TMEM38B: variants seen among roughly 807,000 people sequenced by gnomAD.
The protein encoded by TMEM38B is trimeric intracellular cation channel type B.
A neutral mutation model predicts 28.7 loss-of-function variants in TMEM38B; 24 were observed. The observed-to-expected ratio is 0.84, with a 90% CI of 0.61 to 1.18. The LOEUF (loss-of-function observed/expected upper bound fraction) is 1.18, where lower values mean the gene tolerates loss of function less well. Ranked by LOEUF, TMEM38B falls within the 50% of genes most tolerant of loss-of-function variation. TMEM38B has a pLI of 0.00. For synonymous variants in TMEM38B, 131 were observed against 127.7 expected (o/e 1.03, Z -0.17); for missense variants, 380 against 350.9 (o/e 1.08, Z -0.66).
chr9:105,725,578 A>G (rs949586298), intron 4 of TMEM38B, among the ~76,000 whole-genome samples: 5 of 152,196 alleles, frequency 3.3e-5, no homozygotes, highest in Admixed American at 3.3e-4. Flanking sequence ...ATAGTCTACT[A>G]CACACCTAGG....
chr9:105,745,239 C>CGA (rs1411585189), intron 4 of TMEM38B, among the ~76,000 whole-genome samples: 1 of 152,216 alleles, frequency 6.6e-6, no homozygotes, highest in Admixed American at 6.5e-5. Context: ...CACATCCTCT[C>CGA]CAGCACCTGT....
chr9:105,733,614 G>A (rs1327861317), intron 4 of TMEM38B, among the ~76,000 whole-genome samples: 1 of 151,698 alleles, frequency 6.6e-6, no homozygotes, highest in Non-Finnish European at 1.5e-5. Context: ...TTATTCCCTT[G>A]GGAGACTTTA....
At chr9:105,756,290 C>T (rs923908598) in intron 5 of TMEM38B, among the ~76,000 whole-genome samples, 7 of 152,110 alleles carry the variant, frequency 4.6e-5, no homozygotes, top group African/African-American at 1.7e-4. Flanking sequence ...CCCAGTTGTC[C>T]TGGCTAGAAC....
intron 5 of TMEM38B, among the ~76,000 whole-genome samples, chr9:105,765,547 A>G (rs1410790113): frequency 6.6e-6 from 1 of 152,178 alleles, no homozygotes; most frequent in East Asian, 1.9e-4. Flanking sequence ...TATCCACTTT[A>G]TATCACTACA....
intron 4 of TMEM38B, among the ~76,000 whole-genome samples, chr9:105,730,275 T>C (rs949083844): frequency 1.3e-5 from 2 of 152,030 alleles, no homozygotes; most frequent in Non-Finnish European, 2.9e-5. Flanking sequence ...TTATTGAGAG[T>C]TTTTAGCATG....
chr9:105,744,514 T>A (rs1837316307), intron 4 of TMEM38B, among the ~76,000 whole-genome samples: 1 of 152,032 alleles, frequency 6.6e-6, no homozygotes, highest in South Asian at 2.1e-4. Context: ...TTACTTTCCA[T>A]CTAGTCCTAA....
intron 1 of TMEM38B, among the ~76,000 whole-genome samples, chr9:105,698,581 C>G (rs10759129): frequency 0.39 from 59,760 of 151,808 alleles, 12,860 homozygotes; most frequent in East Asian, 0.59. Context: ...TATTCTTGGA[C>G]TAAACTACTT....
intron 5 of TMEM38B, among the ~76,000 whole-genome samples, chr9:105,753,179 CAG>C (rs1837720180): frequency 6.6e-6 from 1 of 151,980 alleles, no homozygotes; most frequent in African/African-American, 2.4e-5. Context: ...TGTAAAGAGA[CAG>C]AACCTATGAT....
intron 5 of TMEM38B, among the ~76,000 whole-genome samples, chr9:105,754,037 TTAAAAC>T (rs1187037867): frequency 6.6e-6 from 1 of 152,146 alleles, no homozygotes; most frequent in African/African-American, 2.4e-5. Flanking sequence ...AAAACAGACT[TTAAAAC>T]TAATGAAGGT....
chr9:105,705,252 A>G (rs1307872044), intron 1 of TMEM38B, among the ~76,000 whole-genome samples: 3 of 152,148 alleles, frequency 2.0e-5, no homozygotes, highest in African/African-American at 7.2e-5. Context: ...ACTTTGACAT[A>G]TTGTCTGGGA....
At chr9:105,762,244 TA>T (rs200892169) in intron 5 of TMEM38B, among the ~76,000 whole-genome samples, 290 of 151,816 alleles carry the variant, frequency 1.9e-3, no homozygotes, top group African/African-American at 5.3e-3. Context: ...AAACTGGCTA[TA>T]AATTTTTTTT....
At chr9:105,750,861 A>G (rs1341397996) in intron 5 of TMEM38B, among the ~76,000 whole-genome samples, 2 of 152,188 alleles carry the variant, frequency 1.3e-5, no homozygotes, top group African/African-American at 2.4e-5. Flanking sequence ...ATGTGGATAT[A>G]TAGTTGTCTG....
chr9:105,740,589 T>G (rs1837166414), intron 4 of TMEM38B, among the ~76,000 whole-genome samples: 1 of 152,122 alleles, frequency 6.6e-6, no homozygotes, highest in African/African-American at 2.4e-5. Context: ...TAAATGCTAG[T>G]ACGTGGAATT....
At chr9:105,757,166 A>T (rs1837863069) in intron 5 of TMEM38B, among the ~76,000 whole-genome samples, 1 of 151,998 alleles carries the variant, frequency 6.6e-6, no homozygotes, top group African/African-American at 2.4e-5. Flanking sequence ...TTGGCTTTTC[A>T]TTTCTGAGTT....
chr9:105,716,374 T>TTGTGTGTGTGTGTGTG (rs139155061), intron 2 of TMEM38B, among the ~76,000 whole-genome samples: 2,841 of 150,706 alleles, frequency 0.019, 46 homozygotes, highest in Non-Finnish European at 0.02. Context: ...GTTGTAGCAT[T>TTGTGTGTGTGTGTGTG]TGTGTGTGTG....
chr9:105,702,221 CTCTT>C (rs1035800455), intron 1 of TMEM38B, among the ~76,000 whole-genome samples: 9 of 151,202 alleles, frequency 6.0e-5, no homozygotes, highest in African/African-American at 2.2e-4. Flanking sequence ...TCATTTTTCT[CTCTT>C]TTTAAAAAGA....
At chr9:105,711,513 T>G (rs747255765) in intron 2 of TMEM38B, among the ~76,000 whole-genome samples, 2 of 151,792 alleles carry the variant, frequency 1.3e-5, no homozygotes, top group Non-Finnish European at 2.9e-5. Context: ...TAATGAATTA[T>G]TATAAGGTAC....
chr9:105,708,783 C>T (rs1046249384), intron 2 of TMEM38B, among the ~76,000 whole-genome samples: 1 of 152,074 alleles, frequency 6.6e-6, no homozygotes, highest in Non-Finnish European at 1.5e-5. Context: ...CACCTCCTCT[C>T]CCATGACTAT....
At chr9:105,760,937 C>A (rs1487385010) in intron 5 of TMEM38B, among the ~76,000 whole-genome samples, 2 of 152,172 alleles carry the variant, frequency 1.3e-5, no homozygotes, top group African/African-American at 4.8e-5. Flanking sequence ...TAGATCTCAA[C>A]TGAGAACACG....
Sources: gnomAD v4.1 joint callset for allele counts (sites outside exome capture counted in the v4.1 genomes callset) on GRCh38, gnomAD v4.1.1 for gene constraint, MANE v1.5 for transcripts, NCBI Gene and HGNC (gene_info 2026-07-23, HGNC 2026-07-21) for gene names.